Variants in KCNH5 observed in about 807,000 individuals in gnomAD.
KCNH5 encodes voltage-gated delayed rectifier potassium channel KCNH5.
Under a neutral mutation model 96.1 loss-of-function variants are expected in KCNH5, and 46 were observed. The observed-to-expected ratio is 0.48, with a 90% CI of 0.38 to 0.61. The LOEUF (loss-of-function observed/expected upper bound fraction) is 0.61, where lower values mean the gene tolerates loss of function less well. KCNH5 is among the 20% of genes least tolerant of loss of function. KCNH5 has a pLI of 0.00. For synonymous variants in KCNH5, 439 were observed against 449.8 expected (o/e 0.98, Z 0.30); for missense variants, 907 against 1,225.8 (o/e 0.74, Z 3.88).
chr14:62,862,759 T>C (rs555592562), intron 7 of KCNH5, among the ~76,000 whole-genome samples: 41 of 152,284 alleles, frequency 2.7e-4, no homozygotes, highest in Middle Eastern at 3.4e-3. Context: ...GTTATTCTTG[T>C]AGTCCCCACT....
At position 62,699,769 on chromosome 14, in the gene KCNH5, AGTCAGGTGATAG is replaced by A. The variant is rs1039837592; in HGVS notation, c.*7727_*7738del. The A allele has an allele frequency of 6.6e-6, 1 of 152,204 alleles. No homozygotes were observed. The highest frequency in any genetic ancestry group is 2.4e-5 in the African/African-American group (1 of 41,472). The allele number at this position is 152,204 out of a possible 1,614,324, so 9.4% of individuals were successfully genotyped here. A position where few individuals can be genotyped will look rare whatever the true frequency, so the allele number is the denominator to read the frequency against. On this transcript the variant is annotated 3_prime_UTR_variant, in exon 11 of 11. Transcript: ENST00000322893. ...AAATATTTTCACACATCCTGTCAGC[AGTCAGGTGATAG>A]GTCAACAGTACATACAAAATTTCTA...
intron 7 of KCNH5, among the ~76,000 whole-genome samples, chr14:62,919,821 G>T (rs1889346720): frequency 6.6e-6 from 1 of 152,014 alleles, no homozygotes; most frequent in Non-Finnish European, 1.5e-5. Flanking sequence ...TGCTGTCCCA[G>T]AGTATTGACA....
At chr14:62,813,656 CTTT>C in intron 8 of KCNH5, among the ~76,000 whole-genome samples, 1 of 152,288 alleles carries the variant, frequency 6.6e-6, no homozygotes, top group African/African-American at 2.4e-5. Context: ...ATCTCTCCTT[CTTT>C]TGACACAATT....
intron 4 of KCNH5, among the ~76,000 whole-genome samples, chr14:62,988,688 C>T (rs917424990): frequency 7.3e-6 from 1 of 137,278 alleles, no homozygotes; most frequent in East Asian, 2.7e-4. Context: ...GTACAATGTG[C>T]TGTGGAAACA....
chr14:62,811,585 A>C (rs553288741), intron 8 of KCNH5, among the ~76,000 whole-genome samples: 1 of 152,172 alleles, frequency 6.6e-6, no homozygotes, highest in African/African-American at 2.4e-5. Context: ...TTAGTAATAC[A>C]TAGAAGAAAA....
intron 6 of KCNH5, among the ~76,000 whole-genome samples, chr14:62,965,419 A>G (rs1890287549): frequency 6.6e-6 from 1 of 152,080 alleles, no homozygotes; most frequent in Admixed American, 6.6e-5. Context: ...GAGCCAGGAC[A>G]CTGTTTGGGT....
chr14:62,859,364 C>T (rs1410429400), intron 7 of KCNH5, among the ~76,000 whole-genome samples: 1 of 152,132 alleles, frequency 6.6e-6, no homozygotes, highest in Non-Finnish European at 1.5e-5. Context: ...CCACCATGGC[C>T]ACTTTGTTCA....
At chr14:62,769,862 T>C (rs1271128326) in intron 10 of KCNH5, among the ~76,000 whole-genome samples, 4 of 152,218 alleles carry the variant, frequency 2.6e-5, no homozygotes, top group Non-Finnish European at 4.4e-5. Flanking sequence ...ATGGAGCTCA[T>C]TGTTTAGTTG....
chr14:62,808,461 A>G (rs1015952731), intron 8 of KCNH5, among the ~76,000 whole-genome samples: 17 of 152,132 alleles, frequency 1.1e-4, no homozygotes, highest in Non-Finnish European at 1.9e-4. Context: ...AGGGTTATAA[A>G]AGGTTTATAA....
At chr14:62,899,781 C>T (rs1235397121) in intron 7 of KCNH5, among the ~76,000 whole-genome samples, 1 of 150,468 alleles carries the variant, frequency 6.6e-6, no homozygotes, top group Non-Finnish European at 1.5e-5. Flanking sequence ...TTGCAGTGAG[C>T]CGAGATCCCG....
chr14:62,734,130 C>T (rs753095967), intron 10 of KCNH5, among the ~76,000 whole-genome samples: 4 of 152,126 alleles, frequency 2.6e-5, no homozygotes, highest in Non-Finnish European at 5.9e-5. Flanking sequence ...TATATTCAAT[C>T]TGAAGTCTAA....
intron 7 of KCNH5, among the ~76,000 whole-genome samples, chr14:62,934,890 G>C (rs1332040409): frequency 6.6e-6 from 1 of 152,118 alleles, no homozygotes; most frequent in Non-Finnish European, 1.5e-5. Flanking sequence ...TGAAACATAA[G>C]AGGGCAGAAT....
At chr14:62,913,068 A>C (rs942302109) in intron 7 of KCNH5, among the ~76,000 whole-genome samples, 2 of 152,210 alleles carry the variant, frequency 1.3e-5, no homozygotes, top group African/African-American at 4.8e-5. Context: ...CTTAGTTAAA[A>C]TTTTTGTCTA....
At chr14:62,857,519 C>G (rs1242160217) in intron 7 of KCNH5, among the ~76,000 whole-genome samples, 1 of 152,062 alleles carries the variant, frequency 6.6e-6, no homozygotes, top group Non-Finnish European at 1.5e-5. Flanking sequence ...ATCGTAAGGT[C>G]CCACAATAGG....
rs1163899921 is a variant in KCNH5, at chr14:62,949,997, T to TA, written c.1369+135dup. ...TGCATTTCTATTTTCTAAGGTAGAT[T>TA]AAAAAAAACAATTGCAAATAAGATG... On this transcript the variant is annotated intron_variant, in intron 7 of 10. Coordinates refer to ENST00000322893, the MANE Select transcript of KCNH5 (RefSeq NM_139318.5). 6.0e-5 allele frequency: 42 copies of TA among 697,340 alleles called. No homozygotes were observed. The Middle Eastern group carries it at 7.6e-4, about 13-fold the overall frequency. 43.2% of individuals were successfully genotyped at this position (697,340 alleles called of 1,614,324 possible).
chr14:62,907,788 G>A (rs1889058898), intron 7 of KCNH5, among the ~76,000 whole-genome samples: 1 of 152,180 alleles, frequency 6.6e-6, no homozygotes, highest in South Asian at 2.1e-4. Context: ...GGAGCGGCAA[G>A]TGACAAGCAC....
At chr14:62,992,954 T>C (rs1185432127) in intron 4 of KCNH5, among the ~76,000 whole-genome samples, 3 of 152,056 alleles carry the variant, frequency 2.0e-5, no homozygotes, top group Non-Finnish European at 4.4e-5. Flanking sequence ...TCAAGTCTTA[T>C]GTTTAAGCTA....
At chr14:62,803,179 G>T (rs532799126) in intron 8 of KCNH5, among the ~76,000 whole-genome samples, 1 of 152,082 alleles carries the variant, frequency 6.6e-6, no homozygotes, top group Admixed American at 6.6e-5. Flanking sequence ...TTTTGAGGTG[G>T]TCAAGAAGAG....
At chr14:62,983,687 T>C (rs1244684783) in intron 5 of KCNH5, among the ~76,000 whole-genome samples, 1 of 152,174 alleles carries the variant, frequency 6.6e-6, no homozygotes, top group African/African-American at 2.4e-5. Context: ...AACCTGGCTA[T>C]ATATTAGAAT....
Sources: allele counts gnomAD v4.1 joint callset (sites outside exome capture counted in the v4.1 genomes callset), GRCh38; gene constraint gnomAD v4.1.1; transcripts MANE v1.5; gene names NCBI Gene and HGNC (gene_info 2026-07-23, HGNC 2026-07-21).